GTF2H5: variants seen among roughly 807,000 people sequenced by gnomAD.
The protein encoded by GTF2H5 is TFB5 ortholog.
A neutral mutation model predicts 7.1 loss-of-function variants in GTF2H5; 5 were observed. The observed-to-expected ratio is 0.71, with a 90% CI of 0.37 to 1.49. The LOEUF (loss-of-function observed/expected upper bound fraction) is 1.49. GTF2H5 is among the 40% of genes most tolerant of loss of function. The pLI is 0.03. For synonymous variants in GTF2H5, 30 were observed against 31.7 expected (o/e 0.95, Z 0.18); for missense variants, 80 against 83.0 (o/e 0.96, Z 0.14).
At chr6:158,175,597 C>T (rs1245069785) in intron 2 of GTF2H5, among the ~76,000 whole-genome samples, 1 of 152,152 alleles carries the variant, frequency 6.6e-6, no homozygotes, top group Non-Finnish European at 1.5e-5. Flanking sequence ...AACCCTGTCT[C>T]TACTAAAAAT....
intron 1 of GTF2H5, among the ~76,000 whole-genome samples, chr6:158,169,591 T>TATATTACATATAATATAC (rs1562468728): frequency 2.3e-5 from 2 of 85,258 alleles, no homozygotes; most frequent in African/African-American, 1.1e-4. Context: ...ATATAATATA[T>TATATTACATATAATATAC]TGTATATTAC....
In GTF2H5 at chr6:158,170,527, G is replaced by A. The variant is rs751412442; in HGVS notation, c.24G>A (p.Val8=). The A allele has an allele frequency of 5.0e-6, 8 of 1,608,668 alleles. No homozygotes were observed. The South Asian group carries it at 8.8e-5, about 18-fold the overall frequency. MVNVLKG[V]LIECDPAMKQ... ...ACATGGTCAACGTCTTGAAAGGAGT[G>A]CTTATAGAATGGTTAGTAGTTTTGA... is the stretch of plus-strand genomic sequence containing the variant. The change falls in exon 2 of 3, where the codon GTG becomes GTA. Residue 8 remains valine (V), a synonymous_variant. Coordinates refer to ENST00000607778, the MANE Select transcript of GTF2H5 (RefSeq NM_207118.3).
rs969022661 is a variant in GTF2H5, at chr6:158,193,873, C to T, written c.*1716C>T. ...GCCTGGTGGCGGGTGCCTGTAGTCCCATCTACTCAGGAGGCTGAGGCAGGA... is the reference window on the plus strand; with the variant it reads ...GCCTGGTGGCGGGTGCCTGTAGTCCTATCTACTCAGGAGGCTGAGGCAGGA... On this transcript the variant is annotated 3_prime_UTR_variant, in exon 3 of 3. Coordinates refer to ENST00000607778, the MANE Select transcript of GTF2H5 (RefSeq NM_207118.3). 2 of 151,366 alleles carry T rather than the reference C, an allele frequency of 1.3e-5. No individual in the cohort carries two copies. The highest frequency in any genetic ancestry group is 4.9e-5 in the African/African-American group (2 of 41,118). The allele number at this position is 151,366 out of a possible 1,614,324, so 9.4% of individuals were successfully genotyped here.
intron 1 of GTF2H5, among the ~76,000 whole-genome samples, chr6:158,169,686 A>ATATATATTATATAATGTATTGTATAT (rs1562469174): frequency 3.4e-5 from 1 of 29,760 alleles, no homozygotes; most frequent in South Asian, 1.1e-3. Context: ...ATAATATATA[A>ATATATATTATATAATGTATTGTATAT]TATATATTAT....
At chr6:158,185,217 C>G (rs1776897911) in intron 2 of GTF2H5, among the ~76,000 whole-genome samples, 1 of 150,840 alleles carries the variant, frequency 6.6e-6, no homozygotes, top group East Asian at 1.9e-4. Context: ...CAGGTACATG[C>G]TTGAAAATTC....
chr6:158,169,562 ATAAT>A (rs1785761367), intron 1 of GTF2H5, among the ~76,000 whole-genome samples: 1 of 89,816 alleles, frequency 1.1e-5, no homozygotes, highest in Non-Finnish European at 1.9e-5. Flanking sequence ...TATATTATAT[ATAAT>A]ATATTGTATA....
chr6:158,180,563 A>G (rs529452245), intron 2 of GTF2H5, among the ~76,000 whole-genome samples: 22 of 152,320 alleles, frequency 1.4e-4, no homozygotes, highest in South Asian at 8.3e-4. Flanking sequence ...CTGTTGGTCT[A>G]TTCAGAGATT....
chr6:158,192,185 T>A lies in GTF2H5; in HGVS notation c.*28T>A. 1 of 1,566,028 alleles carries A rather than the reference T, an allele frequency of 6.4e-7. No homozygotes were observed. Among genetic ancestry groups the A allele is most frequent in the Non-Finnish European group, 8.8e-7 (1 of 1,138,210 alleles). On this transcript the variant is annotated 3_prime_UTR_variant, in exon 3 of 3. Coordinates refer to ENST00000607778, the MANE Select transcript of GTF2H5 (RefSeq NM_207118.3). Reference sequence around the variant, plus strand: ...ATACTCAATATGGACCATTTAGGAATTATAAGCAGCAACTGTGAAAGACTT... The same window carrying A: ...ATACTCAATATGGACCATTTAGGAAATATAAGCAGCAACTGTGAAAGACTT...
rs1350295913 is a variant in GTF2H5 at position 158,169,508 on chromosome 6, T to TGTATATTATATATAATATACA, written c.-34-941_-34-921dup. Among the ~76,000 whole-genome samples the TGTATATTATATATAATATACA allele has an allele frequency of 6.4e-4, 43 of 67,312 alleles. 1 individual carries two copies. Among genetic ancestry groups the TGTATATTATATATAATATACA allele is most frequent in the Non-Finnish European group, 8.4e-4 (34 of 40,354 alleles). The allele number at this position is 67,312 out of a possible 152,430, so 44.2% of individuals were successfully genotyped here. On this transcript the variant is annotated intron_variant, in intron 1 of 2. Transcript: ENST00000607778. ...ATATATTGTATATTATATAATATATTGTATATTATATATAATATACAGTAT... is the reference window on the plus strand; with the variant it reads ...ATATATTGTATATTATATAATATATTGTATATTATATATAATATACAGTATATTATATATAATATACAGTAT...
At position 158,197,435 on chromosome 6, in the gene GTF2H5, A is replaced by C. The variant is rs1777130809; in HGVS notation, c.*5278A>C. Reference sequence around the variant, plus strand: ...CATAAAAGAAAAAAAAAAGAATTGTAACAGAAACATGGCTTTACCAGTATG... The same window carrying C: ...CATAAAAGAAAAAAAAAAGAATTGTCACAGAAACATGGCTTTACCAGTATG... On this transcript the variant is annotated 3_prime_UTR_variant, in exon 3 of 3. Transcript: ENST00000607778. 6.5e-6 allele frequency: 1 copy of C among 152,920 alleles called. No individual in the cohort carries two copies. The highest frequency in any genetic ancestry group is 1.5e-5 in the Non-Finnish European group (1 of 68,090). The allele number at this position is 152,920 out of a possible 1,614,324, so 9.5% of individuals were successfully genotyped here. A position where few individuals can be genotyped will look rare whatever the true frequency, so the allele number is the denominator to read the frequency against.
chr6:158,174,559 CCT>C (rs1583629395), intron 2 of GTF2H5, among the ~76,000 whole-genome samples: 1 of 152,142 alleles, frequency 6.6e-6, no homozygotes. Context: ...GTGAAAATTT[CCT>C]CTTTGTTGGG....
In GTF2H5 at chr6:158,197,131, GA is replaced by G. The variant is rs1777125440; in HGVS notation, c.*4975del. ...AGACTTTTAAAACCTTGAATTCAGA[GA>G]CAGGTATAAAGACTGCTTGGTGATT... is the stretch of plus-strand genomic sequence containing the variant. On this transcript the variant is annotated 3_prime_UTR_variant, in exon 3 of 3. Coordinates refer to ENST00000607778, the MANE Select transcript of GTF2H5 (RefSeq NM_207118.3). 1 of 153,746 alleles carries G rather than the reference GA, an allele frequency of 6.5e-6. No individual in the cohort carries two copies. The highest frequency in any genetic ancestry group is 6.5e-5 in the Admixed American group (1 of 15,288). The allele number at this position is 153,746 out of a possible 1,614,324, so 9.5% of individuals were successfully genotyped here.
chr6:158,171,162 A>G (rs1405645544), intron 2 of GTF2H5, among the ~76,000 whole-genome samples: 4 of 152,242 alleles, frequency 2.6e-5, no homozygotes, highest in Non-Finnish European at 5.9e-5. Context: ...CAACATTTAG[A>G]ACAGCACTAG....
At chr6:158,180,729 T>G (rs1239360839) in intron 2 of GTF2H5, among the ~76,000 whole-genome samples, 1 of 152,206 alleles carries the variant, frequency 6.6e-6, no homozygotes, top group Non-Finnish European at 1.5e-5. Context: ...TTATCATTTT[T>G]TATTGTGTCT....
At chr6:158,175,042 G>GTATATATA (rs1412621563) in intron 2 of GTF2H5, among the ~76,000 whole-genome samples, 2 of 117,928 alleles carry the variant, frequency 1.7e-5, no homozygotes, top group East Asian at 2.0e-4. Flanking sequence ...GTGTGTGTGT[G>GTATATATA]TGTATACACA....
chr6:158,184,448 A>T (rs1323514306), intron 2 of GTF2H5, among the ~76,000 whole-genome samples: 1 of 151,998 alleles, frequency 6.6e-6, no homozygotes, highest in African/African-American at 2.4e-5. Flanking sequence ...AACCCCTATT[A>T]TATGTTTTCT....
At chr6:158,183,212 G>A (rs1205833273) in intron 2 of GTF2H5, among the ~76,000 whole-genome samples, 1 of 152,188 alleles carries the variant, frequency 6.6e-6, no homozygotes, top group Non-Finnish European at 1.5e-5. Flanking sequence ...AGTGGAGGCT[G>A]CAGAACAGTA....
At chr6:158,169,283 T>C (rs1028028985) in intron 1 of GTF2H5, among the ~76,000 whole-genome samples, 14 of 128,022 alleles carry the variant, frequency 1.1e-4, no homozygotes, top group Admixed American at 3.9e-4. Flanking sequence ...TTATATATAA[T>C]ATATATTTAT....
At position 158,194,913 on chromosome 6, in the gene GTF2H5, A is replaced by T. The variant is rs1022063600; in HGVS notation, c.*2756A>T. 2 of 152,178 alleles carry T rather than the reference A, an allele frequency of 1.3e-5. No homozygotes were observed. Among genetic ancestry groups the T allele is most frequent in the African/African-American group, 4.8e-5 (2 of 41,428 alleles). 9.4% of individuals were successfully genotyped at this position (152,178 alleles called of 1,614,324 possible). A position where few individuals can be genotyped will look rare whatever the true frequency, so the allele number is the denominator to read the frequency against. On this transcript the variant is annotated 3_prime_UTR_variant, in exon 3 of 3. Transcript: ENST00000607778. ...ATTTTTAAAAAGTTGTGTTGGGGCA[A>T]ATGTTAAATATCTTTCTTTCTCTGG...
Sources: gnomAD v4.1 joint callset for allele counts (sites outside exome capture counted in the v4.1 genomes callset) on GRCh38, gnomAD v4.1.1 for gene constraint, MANE v1.5 for transcripts, NCBI Gene and HGNC (gene_info 2026-07-23, HGNC 2026-07-21) for gene names.